Variants in TLK2 observed in about 807,000 individuals in gnomAD.
TLK2 encodes the protein serine/threonine-protein kinase tousled-like 2.
In TLK2, 6 loss-of-function variants were observed where a neutral mutation model predicts 117.3. The ratio of observed to expected loss-of-function variants is 0.05; its 90% CI spans 0.03 to 0.10. The LOEUF (loss-of-function observed/expected upper bound fraction) is 0.10. Ranked by LOEUF, TLK2 falls within the 10% of genes least tolerant of loss-of-function variation. The pLI is 1.00. For synonymous variants in TLK2, 257 were observed against 316.7 expected (o/e 0.81, Z 2.00); for missense variants, 299 against 901.2 (o/e 0.33, Z 8.56).
At chr17:62,553,957 A>G (rs1180709716) in intron 9 of TLK2, among the ~76,000 whole-genome samples, 1 of 152,202 alleles carries the variant, frequency 6.6e-6, no homozygotes, top group Non-Finnish European at 1.5e-5. Flanking sequence ...GAAATCTTAT[A>G]CTGTAGTGTT....
At chr17:62,602,712 T>G (rs2082957616) in intron 19 of TLK2, among the ~76,000 whole-genome samples, 1 of 152,230 alleles carries the variant, frequency 6.6e-6, no homozygotes, top group Non-Finnish European at 1.5e-5. Context: ...AGCCATGATC[T>G]AAAAGTTTTT....
At chr17:62,600,542 G>C (rs2147163313) in intron 17 of TLK2, 109 bp from the exon 18 acceptor site, 2 of 877,760 alleles carry the variant, frequency 2.3e-6, no homozygotes, top group Middle Eastern at 3.7e-4. Context: ...GAACAAAGAA[G>C]AAAGGAGTGA....
At chr17:62,490,012 GTAGAGATTGGT>G (rs2144662087) in intron 2 of TLK2, among the ~76,000 whole-genome samples, 1 of 152,228 alleles carries the variant, frequency 6.6e-6, no homozygotes, top group Admixed American at 6.6e-5. Flanking sequence ...TGTATTTTTA[GTAGAGATTGGT>G]TTCACCATGT....
chr17:62,563,464 T>G (rs943466583), intron 10 of TLK2, among the ~76,000 whole-genome samples: 17 of 151,556 alleles, frequency 1.1e-4, no homozygotes, highest in African/African-American at 2.9e-4. Flanking sequence ...AAAAAGAAAA[T>G]AAATTCACTA....
At chr17:62,476,829 C>T (rs2144206651), upstream of TLK2, among the ~76,000 whole-genome samples, 1 of 152,066 alleles carries the variant, frequency 6.6e-6, no homozygotes, top group East Asian at 1.9e-4. Context: ...CGCTTGAAAT[C>T]CCAGCACTTT....
chr17:62,575,329 C>T (rs935290023), intron 12 of TLK2, among the ~76,000 whole-genome samples: 2 of 152,180 alleles, frequency 1.3e-5, no homozygotes, highest in African/African-American at 4.8e-5. Context: ...TGGCCCCGAA[C>T]CTGTTTCAGA....
In TLK2 at chr17:62,578,436, G is replaced by C. The variant is rs778093999; in HGVS notation, c.1189-41G>C. The C allele has an allele frequency of 2.6e-6, 4 of 1,530,266 alleles. No homozygotes were observed. The South Asian group carries it at 4.5e-5, about 17-fold the overall frequency. 94.8% of individuals were successfully genotyped at this position (1,530,266 alleles called of 1,614,324 possible). A position where few individuals can be genotyped will look rare whatever the true frequency, so the allele number is the denominator to read the frequency against. On this transcript the variant is annotated intron_variant, in intron 13 of 21. Transcript: ENST00000346027. ...TGAAATAAGATCCCGAAAAGGTAAA[G>C]TTCCCCCTATTTTGTGCTATTTCTT...
chr17:62,592,127 AT>A (rs547535346), intron 16 of TLK2, among the ~76,000 whole-genome samples: 67 of 143,676 alleles, frequency 4.7e-4, no homozygotes, highest in Admixed American at 4.9e-4. Context: ...CTAATTTTGT[AT>A]TTTTTTTTTT....
At chr17:62,584,170 G>A (rs1162406273) in intron 15 of TLK2, among the ~76,000 whole-genome samples, 4 of 131,274 alleles carry the variant, frequency 3.0e-5, no homozygotes, top group Non-Finnish European at 6.2e-5. Flanking sequence ...GCTGGAGAGT[G>A]CAGTGGTGCT....
At chr17:62,596,452 G>C (rs2082487891) in intron 16 of TLK2, 133 bp from the exon 17 acceptor site, 1 of 642,624 alleles carries the variant, frequency 1.6e-6, no homozygotes. Context: ...AGTCAGATGA[G>C]GGACCAGATG....
chr17:62,497,575 A>G (rs894938895), intron 2 of TLK2, among the ~76,000 whole-genome samples: 15 of 152,234 alleles, frequency 9.9e-5, no homozygotes, highest in Non-Finnish European at 1.8e-4. Flanking sequence ...TATTTCTCCA[A>G]TTTTATTAAT....
intron 19 of TLK2, among the ~76,000 whole-genome samples, chr17:62,603,444 C>G (rs144511033): frequency 9.5e-4 from 145 of 152,170 alleles, no homozygotes; most frequent in Non-Finnish European, 1.8e-3. Flanking sequence ...ACAAAAATAT[C>G]TGCTGCTGGA....
At chr17:62,490,794 G>A (rs1190258720) in intron 2 of TLK2, among the ~76,000 whole-genome samples, 1 of 152,062 alleles carries the variant, frequency 6.6e-6, no homozygotes, top group Non-Finnish European at 1.5e-5. Flanking sequence ...CACCTTCCTC[G>A]GCCTCCCAAA....
chr17:62,543,396 G>A lies in TLK2; in HGVS notation c.531+7059G>A, dbSNP rs537026759. On this transcript the variant is annotated intron_variant, in intron 7 of 21. Transcript: ENST00000346027. ...GAGAGTGAAATTGCCAGGTCATATG[G>A]TAACTGTTTTTGAGGAACTGCCAGA... Among the ~76,000 whole-genome samples the A allele has an allele frequency of 1.4e-4, 22 of 152,232 alleles. No homozygotes were observed. In the South Asian group the frequency reaches 4.4e-3, roughly 30 times the overall value.
In TLK2 at chr17:62,608,082, G is replaced by A. The variant is rs748386138; in HGVS notation, c.2013G>A (p.Glu671=). 6 of 1,613,970 alleles carry A rather than the reference G, an allele frequency of 3.7e-6. No individual in the cohort carries two copies. The highest frequency in any genetic ancestry group is 5.1e-6 in the Non-Finnish European group (6 of 1,180,012). Residue 671 remains glutamate, a synonymous_variant, in exon 21 of 22, where the codon GAG becomes GAA. Coordinates refer to ENST00000346027, the MANE Select transcript of TLK2 (RefSeq NM_006852.6). ...AGTCTCAGCAAGACATCCTACAAGA[G>A]AATACGATTCTTAAAGCTACTGAAG... is the stretch of plus-strand genomic sequence containing the variant. The part of the protein sequence containing the change: ...HNQSQQDILQ[E]NTILKATEVQ...
rs10680028 is a variant in TLK2, at chr17:62,607,012, C to CTTTTTTTTT, written c.1971+781_1971+789dup. Among the ~76,000 whole-genome samples the CTTTTTTTTT allele has an allele frequency of 1.2e-4, 15 of 123,552 alleles. 1 individual carries two copies. The highest frequency in any genetic ancestry group is 5.1e-4 in the East Asian group (2 of 3,920). 81.1% of individuals were successfully genotyped at this position (123,552 alleles called of 152,430 possible). On this transcript the variant is annotated intron_variant, in intron 20 of 21. Coordinates refer to ENST00000346027, the MANE Select transcript of TLK2 (RefSeq NM_006852.6). ...CCTTCCTCTTTAGCTTCTCCTTGGT[C>CTTTTTTTTT]TTTTTTTTTTTTTTTTTTCTATCTC...
intron 16 of TLK2, among the ~76,000 whole-genome samples, chr17:62,590,136 C>CA (rs1193748624): frequency 6.9e-6 from 1 of 145,518 alleles, no homozygotes; most frequent in Admixed American, 6.8e-5. Context: ...ACAAAAAAAA[C>CA]AAACAGCAGC....
intron 11 of TLK2, among the ~76,000 whole-genome samples, chr17:62,568,666 C>T (rs888715792): frequency 1.3e-4 from 19 of 151,948 alleles, no homozygotes; most frequent in Middle Eastern, 3.2e-3. Context: ...CTCACTGCAA[C>T]CTCTGCCTCC....
intron 16 of TLK2, 30 bp from the exon 17 acceptor site, chr17:62,596,555 C>T: frequency 2.6e-6 from 4 of 1,568,472 alleles, no homozygotes; most frequent in Non-Finnish European, 3.5e-6. Context: ...GCCAATATAC[C>T]TTCTTGTTAA....
Sources: allele counts gnomAD v4.1 joint callset (sites outside exome capture counted in the v4.1 genomes callset), GRCh38; gene constraint gnomAD v4.1.1; transcripts MANE v1.5; gene names NCBI Gene and HGNC (gene_info 2026-07-23, HGNC 2026-07-21).